LARGE2: variants seen among roughly 807,000 people sequenced by gnomAD.
LARGE2 encodes the protein LARGE xylosyl- and glucuronyltransferase 2.
A neutral mutation model predicts 75.3 loss-of-function variants in LARGE2; 63 were observed. The ratio of observed to expected loss-of-function variants is 0.84; its 90% CI spans 0.68 to 1.03. The LOEUF (loss-of-function observed/expected upper bound fraction) is 1.03, where lower values mean the gene tolerates loss of function less well. Among genes scored for constraint, LARGE2 ranks in the 50% least tolerant of loss-of-function variants. The pLI, the probability that LARGE2 is intolerant of heterozygous loss-of-function variation, is 0.00. For synonymous variants in LARGE2, 428 were observed against 420.1 expected (o/e 1.02, Z -0.23); for missense variants, 925 against 980.6 (o/e 0.94, Z 0.76).
In LARGE2 at chr11:45,928,249, T is replaced by C; in HGVS notation, c.1827T>C (p.Arg609=). 1 of 1,613,934 alleles carries C rather than the reference T, an allele frequency of 6.2e-7. No homozygotes were observed. The highest frequency in any genetic ancestry group is 8.5e-7 in the Non-Finnish European group (1 of 1,180,002). The part of the protein sequence containing the change: ...ARWREAQAPY[R]VQWAANYEPY... ...GGCGGGAGGCTCAGGCCCCGTACCG[T>C]GTGCAATGGGCGGCCAACTATGAAC... The change falls in exon 13 of 14, where the codon CGT becomes CGC. Residue 609 remains arginine (R), a synonymous_variant. Coordinates refer to ENST00000401752, the MANE Select transcript of LARGE2 (RefSeq NM_001300721.2).
intron 11 of LARGE2, 71 bp from the exon 12 acceptor site, chr11:45,927,849 C>A: frequency 6.2e-7 from 1 of 1,601,386 alleles, no homozygotes; most frequent in South Asian, 1.1e-5. Context: ...TGGCTAATGC[C>A]CTGATGAGTG....
Position 45,928,691 on chromosome 11 carries a change from T to A in LARGE2, c.2012T>A (p.Leu671Gln), listed in dbSNP as rs1004005762. The A allele has an allele frequency of 1.9e-6, 3 of 1,613,974 alleles. No homozygotes were observed. Among genetic ancestry groups the A allele is most frequent in the African/African-American group, 2.7e-5 (2 of 74,916 alleles). Residue 671 changes from leucine to glutamine, a missense_variant, in exon 14 of 14, where the codon CTG becomes CAG. Transcript: ENST00000401752. Reference sequence around the variant, plus strand: ...ATCCATCTGCCCCACGCTCCAAGCCTGGACATCTCCCGCTTCCGCTCCAGC... The same window carrying A: ...ATCCATCTGCCCCACGCTCCAAGCCAGGACATCTCCCGCTTCCGCTCCAGC... The part of the protein sequence containing the change: ...FTIHLPHAPS[L>Q]DISRFRSSPT...
chr11:45,923,431 C>A lies in LARGE2; in HGVS notation c.286-42C>A, dbSNP rs753329884. 6.0e-6 allele frequency: 9 copies of A among 1,490,312 alleles called. No individual in the cohort carries two copies. In the East Asian group the frequency reaches 1.8e-4, roughly 30 times the overall value. The allele number at this position is 1,490,312 out of a possible 1,614,324, so 92.3% of individuals were successfully genotyped here. ...CTCAACATGGGTCCTCACCGCCTAG[C>A]GGAGAAGGGGGGCTGCTGCCGACCT... On this transcript the variant is annotated intron_variant, in intron 2 of 13. Coordinates refer to ENST00000401752, the MANE Select transcript of LARGE2 (RefSeq NM_001300721.2).
chr11:45,926,931 G>T, intron 10 of LARGE2, 60 bp downstream of exon 10: 1 of 1,506,344 alleles, frequency 6.6e-7, no homozygotes. Flanking sequence ...ACACTTCTGA[G>T]AGGAGGTTCC....
At chr11:45,924,706 G>T in intron 5 of LARGE2, 29 bp downstream of exon 5, 5 of 1,583,554 alleles carry the variant, frequency 3.2e-6, no homozygotes, top group South Asian at 1.1e-5. Context: ...TGCCTGGCCT[G>T]CCCAGGATCC....
chr11:45,923,604 A>AGCCCG, intron 3 of LARGE2, 49 bp downstream of exon 3: 1 of 1,505,082 alleles, frequency 6.6e-7, no homozygotes, highest in Non-Finnish European at 9.2e-7. Flanking sequence ...GAAGGGACAA[A>AGCCCG]GCCCGGGACA....
chr11:45,922,920 C>G lies in LARGE2; in HGVS notation c.38C>G (p.Ala13Gly). ...PRGRPRALGA[A>G]ALLLLLLLLG... is the part of the protein sequence containing the mutation. Reference sequence around the variant, plus strand: ...GGGCGCCCCCGGGCGCTGGGGGCCGCCGCGCTGTTGCTGCTGCTGCTGCTG... The same window carrying G: ...GGGCGCCCCCGGGCGCTGGGGGCCGGCGCGCTGTTGCTGCTGCTGCTGCTG... The change falls in exon 2 of 14, where the codon GCC becomes GGC. Residue 13 changes from alanine (A) to glycine (G), a missense_variant. By Grantham distance (60) the Ala-to-Gly change is moderately conservative. Coordinates refer to ENST00000401752, the MANE Select transcript of LARGE2 (RefSeq NM_001300721.2). 7.8e-7 allele frequency: 1 copy of G among 1,282,216 alleles called. No homozygotes were observed. Among genetic ancestry groups the G allele is most frequent in the Non-Finnish European group, 9.8e-7 (1 of 1,019,064 alleles). 79.4% of individuals were successfully genotyped at this position (1,282,216 alleles called of 1,614,324 possible).
At position 45,926,828 on chromosome 11, in the gene LARGE2, C is replaced by T. The variant is rs768340577; in HGVS notation, c.1282C>T (p.Arg428Trp). ...TFLPHEPPPP[R>W]PHDVTLVAQL... ...CCTGCCCCATGAACCGCCACCCCCC[C>T]GGCCTCACGATGTCACCCTTGTGGC... The change falls in exon 10 of 14, where the codon CGG becomes TGG. Residue 428 changes from arginine to tryptophan, a missense_variant. Around this residue, in one of 3 missense-constraint regions of LARGE2, gnomAD observed 469 missense variants for 503.8 expected, o/e 0.93. Transcript: ENST00000401752. 5.0e-5 allele frequency: 80 copies of T among 1,613,078 alleles called. No homozygotes were observed. The highest frequency in any genetic ancestry group is 1.6e-4 in the Middle Eastern group (1 of 6,084).
chr11:45,928,727 G>A lies in LARGE2; in HGVS notation c.2048G>A (p.Arg683His), dbSNP rs766932489. The change falls in exon 14 of 14, where the codon CGT becomes CAT. Residue 683 changes from arginine to histidine, a missense_variant. Physicochemically the swap from Arg to His is conservative, Grantham distance 29. This residue lies in a region of LARGE2 where 469 missense variants were observed against 503.8 expected (regional missense o/e 0.93). Transcript: ENST00000401752. ...ISRFRSSPTYRDCLQALKDEF... is the reference protein window; with the variant it reads ...ISRFRSSPTYHDCLQALKDEF... ...CGCTTCCGCTCCAGCCCCACCTATC[G>A]TGACTGCCTCCAGGCCCTCAAGGAC... is the stretch of plus-strand genomic sequence containing the variant. 18 of 1,613,940 alleles carry A rather than the reference G, an allele frequency of 1.1e-5. No individual in the cohort carries two copies. Among genetic ancestry groups the A allele is most frequent in the African/African-American group, 1.3e-5 (1 of 74,898 alleles).
At position 45,927,436 on chromosome 11, in the gene LARGE2, G is replaced by T; in HGVS notation, c.1447G>T (p.Ala483Ser). The T allele has an allele frequency of 2.5e-6, 4 of 1,614,180 alleles. No individual in the cohort carries two copies. Among genetic ancestry groups the T allele is most frequent in the Non-Finnish European group, 3.4e-6 (4 of 1,180,034 alleles). ...HFVEASPVLAARQDVAYHVVY... is the reference protein window; with the variant it reads ...HFVEASPVLASRQDVAYHVVY... ...CGTCGAGGCCTCACCAGTGCTTGCT[G>T]CCCGGCAGGACGTGGCCTACCATGT... The change falls in exon 11 of 14, where the codon GCC becomes TCC. Residue 483 changes from alanine (A) to serine (S), a missense_variant. By Grantham distance (99) the Ala-to-Ser change is moderately conservative (BLOSUM62 1). Transcript: ENST00000401752.
intron 3 of LARGE2, among the ~76,000 whole-genome samples, chr11:45,923,765 T>C (rs2087021232): frequency 6.6e-6 from 1 of 151,462 alleles, no homozygotes; most frequent in Non-Finnish European, 1.5e-5. Context: ...GGCGGGCGGA[T>C]CACGAGGTCA....
chr11:45,926,168 C>T lies in LARGE2; in HGVS notation c.882+17C>T, dbSNP rs745793880. ...GCTGACCAGGTCTGAGGAAGCCTTG[C>T]CGGGTGGGGTGTGGCAGGCTGGGGG... On this transcript the variant is annotated intron_variant, in intron 7 of 13. Coordinates refer to ENST00000401752, the MANE Select transcript of LARGE2 (RefSeq NM_001300721.2). The T allele has an allele frequency of 6.2e-7, 1 of 1,603,148 alleles. No homozygotes were observed. Among genetic ancestry groups the T allele is most frequent in the South Asian group, 1.1e-5 (1 of 89,850 alleles).
intron 3 of LARGE2, 83 bp downstream of exon 3, chr11:45,923,638 C>A: frequency 8.2e-7 from 1 of 1,218,590 alleles, no homozygotes; most frequent in Non-Finnish European, 1.2e-6. Flanking sequence ...AGAGCTTCAG[C>A]TTCCTCATCT....
intron 6 of LARGE2, 38 bp from the exon 7 acceptor site, chr11:45,926,001 C>A (rs1248117654): frequency 3.9e-6 from 6 of 1,519,854 alleles, no homozygotes; most frequent in South Asian, 2.4e-5. Flanking sequence ...AGGAGCTGGT[C>A]GTCCCAGGTG....
Position 45,927,469 on chromosome 11 carries a change from C to T in LARGE2, c.1480C>T (p.Arg494Cys), listed in dbSNP as rs775004918. Residue 494 changes from arginine (R) to cysteine (C), a missense_variant, in exon 11 of 14, where the codon CGT (arginine) becomes TGT (cysteine). Physicochemically the swap from Arg to Cys is radical, Grantham distance 180. Around this residue, in one of 3 missense-constraint regions of LARGE2, gnomAD observed 469 missense variants for 503.8 expected, o/e 0.93. Transcript: ENST00000401752. ...RQDVAYHVVY[R>C]EGPLYPVNQL... ...GGACGTGGCCTACCATGTGGTGTAC[C>T]GTGAGGGGCCCCTATACCCCGTCAA... 13 of 1,614,092 alleles carry T rather than the reference C, an allele frequency of 8.1e-6. No homozygotes were observed. Among genetic ancestry groups the T allele is most frequent in the Admixed American group, 3.3e-5 (2 of 60,010 alleles).
rs139156494 is a variant in LARGE2, at chr11:45,927,582, C to T, written c.1593C>T (p.Tyr531=). Residue 531 remains tyrosine, a synonymous_variant, in exon 11 of 14, where the codon TAC becomes TAT. Transcript: ENST00000401752. ...ACTTCCTGCCTGCCTATTCTCTCTACGACTACCTCAGGTGGGCCTGCAGGC... is the reference window on the plus strand; with the variant it reads ...ACTTCCTGCCTGCCTATTCTCTCTATGACTACCTCAGGTGGGCCTGCAGGC... ...DIDFLPAYSL[Y]DYLRASIEQL... 2,747 of 1,613,410 alleles carry T rather than the reference C, an allele frequency of 1.7e-3. 3 individuals carry two copies. The highest frequency in any genetic ancestry group is 2.0e-3 in the Non-Finnish European group (2,323 of 1,179,886).
chr11:45,926,648 C>A (rs929013284), intron 9 of LARGE2, 51 bp downstream of exon 9: 6 of 1,612,280 alleles, frequency 3.7e-6, no homozygotes, highest in Middle Eastern at 1.6e-4. Context: ...TGGGACCCAG[C>A]CTTGTCTGGG....
rs1188112527 is a variant in LARGE2 at position 45,928,892 on chromosome 11, G to A, written c.*47G>A. On this transcript the variant is annotated 3_prime_UTR_variant, in exon 14 of 14. Coordinates refer to ENST00000401752, the MANE Select transcript of LARGE2 (RefSeq NM_001300721.2). ...CATCTTAGCATTGGGCAGACACCAG[G>A]GCAACCTGCCCTCCGCCATCCCTGC... is the stretch of plus-strand genomic sequence containing the variant. 2.5e-6 allele frequency: 4 copies of A among 1,606,660 alleles called. No homozygotes were observed. The highest frequency in any genetic ancestry group is 2.3e-5 in the East Asian group (1 of 44,262).
At chr11:45,923,343 G>T (rs558917254) in intron 2 of LARGE2, 130 bp from the exon 3 acceptor site, 2 of 1,121,738 alleles carry the variant, frequency 1.8e-6, no homozygotes, top group East Asian at 2.5e-5. Context: ...CATTTGAAAT[G>T]AAGGGTTGGC....
Sources: gnomAD v4.1 joint callset for allele counts (sites outside exome capture counted in the v4.1 genomes callset) on GRCh38, gnomAD v4.1.1 for gene constraint, gnomAD v4.1.1 regional missense constraint, MANE v1.5 for transcripts, NCBI Gene and HGNC (gene_info 2026-07-23, HGNC 2026-07-21) for gene names.